The following MINDY2 variants were observed in gnomAD, a reference collection of about 807,000 sequenced individuals.
The protein encoded by MINDY2 is MINDY lysine 48 deubiquitinase 2.
Under a neutral mutation model 68.2 loss-of-function variants are expected in MINDY2, and 52 were observed. The observed-to-expected ratio is 0.76, with a 90% CI of 0.61 to 0.96. MINDY2 has a LOEUF of 0.96. MINDY2 is among the 40% of genes least tolerant of loss of function. The pLI, the probability that MINDY2 is intolerant of heterozygous loss-of-function variation, is 0.00. For synonymous variants in MINDY2, 372 were observed against 303.0 expected, an observed-to-expected ratio of 1.23 and a Z score of -2.36; for missense variants, 881 against 773.4, an observed-to-expected ratio of 1.14 and a Z score of -1.65.
At chr15:58,795,665 A>C (rs1465788504) in intron 2 of MINDY2, among the ~76,000 whole-genome samples, 2 of 152,094 alleles carry the variant, frequency 1.3e-5, no homozygotes, top group Admixed American at 1.3e-4. Flanking sequence ...CGGCCTCCCA[A>C]AGTGCCGGGA....
chr15:58,853,349 A>C (rs2032925620), intron 8 of MINDY2, among the ~76,000 whole-genome samples: 1 of 152,108 alleles, frequency 6.6e-6, no homozygotes, highest in African/African-American at 2.4e-5. Flanking sequence ...TAAATATAGA[A>C]GTCCCCATTA....
chr15:58,772,141 A>T lies in MINDY2; in HGVS notation c.746A>T (p.Gln249Leu), dbSNP rs921595292. The T allele has an allele frequency of 6.2e-7, 1 of 1,614,152 alleles. No individual in the cohort carries two copies. The highest frequency in any genetic ancestry group is 8.5e-7 in the Non-Finnish European group (1 of 1,180,028). ...TCTGTGTATCACATCAAGTGGATCC[A>T]GTGGAAGGAAGAGAACACACCCATC... ...GQSVYHIKWI[Q>L]WKEENTPIIT... The change falls in exon 1 of 9, where the codon CAG becomes CTG. Residue 249 changes from glutamine (Q) to leucine (L), a missense_variant. Coordinates refer to ENST00000559228, the MANE Select transcript of MINDY2 (RefSeq NM_001040450.3).
In MINDY2 at chr15:58,838,437, T is replaced by G. The variant is rs148143843; in HGVS notation, c.1368+6521T>G. Reference sequence around the variant, plus strand: ...AGATATACTTTCAGCAAACAAAATTTAACATCTAGATAGAATACTTTTCCA... The same window carrying G: ...AGATATACTTTCAGCAAACAAAATTGAACATCTAGATAGAATACTTTTCCA... On this transcript the variant is annotated intron_variant, in intron 6 of 8. Coordinates refer to ENST00000559228, the MANE Select transcript of MINDY2 (RefSeq NM_001040450.3). Among the ~76,000 whole-genome samples the G allele has an allele frequency of 9.4e-3, 1,434 of 151,960 alleles. 36 individuals are homozygous for G. Among genetic ancestry groups the G allele is most frequent in the African/African-American group, 0.032 (1,345 of 41,468 alleles).
At chr15:58,824,648 T>G (rs2031273237) in intron 5 of MINDY2, among the ~76,000 whole-genome samples, 1 of 151,742 alleles carries the variant, frequency 6.6e-6, no homozygotes, top group African/African-American at 2.4e-5. Flanking sequence ...TTTGCAGCAA[T>G]TAGCTTTTCT....
intron 4 of MINDY2, chr15:58,815,491 AG>A: frequency 6.6e-6 from 1 of 152,216 alleles, no homozygotes; most frequent in East Asian, 1.9e-4. Flanking sequence ...TTGGGACTAC[AG>A]GTGCACACCA....
In MINDY2 at chr15:58,771,377, T is replaced by TA. The variant is rs1308712655; in HGVS notation, c.-19_-18insA. On this transcript the variant is annotated 5_prime_UTR_variant, in exon 1 of 9. Coordinates refer to ENST00000559228, the MANE Select transcript of MINDY2 (RefSeq NM_001040450.3). ...GAAGTGGCCGCGGTCTCCATAGAGCTGGGGGCGGGCGGCCCGGTATGGAGA... is the reference window on the plus strand; with the variant it reads ...GAAGTGGCCGCGGTCTCCATAGAGCTAGGGGGCGGGCGGCCCGGTATGGAGA... 6.3e-7 allele frequency: 1 copy of TA among 1,594,708 alleles called. No homozygotes were observed. Among genetic ancestry groups the TA allele is most frequent in the African/African-American group, 1.3e-5 (1 of 74,546 alleles).
At chr15:58,833,098 C>G (rs2031820980) in intron 6 of MINDY2, among the ~76,000 whole-genome samples, 1 of 152,112 alleles carries the variant, frequency 6.6e-6, no homozygotes, top group Non-Finnish European at 1.5e-5. Flanking sequence ...TTACAGCTGT[C>G]ACTTAGTTCA....
chr15:58,819,082 G>A (rs925924740), intron 4 of MINDY2, among the ~76,000 whole-genome samples: 2 of 152,114 alleles, frequency 1.3e-5, no homozygotes, highest in Non-Finnish European at 2.9e-5. Flanking sequence ...GGACTCAAGC[G>A]ATCCTTTCCT....
chr15:58,813,578 C>T (rs1265424831), intron 4 of MINDY2, among the ~76,000 whole-genome samples: 2 of 152,048 alleles, frequency 1.3e-5, no homozygotes, highest in African/African-American at 2.4e-5. Flanking sequence ...TGGGTTATAT[C>T]ATAGTTGCTT....
chr15:58,847,219 G>A, intron 6 of MINDY2, 78 bp from the exon 7 acceptor site: 1 of 1,171,508 alleles, frequency 8.5e-7, no homozygotes, highest in Non-Finnish European at 1.2e-6. Context: ...GATACAGATT[G>A]TAAAACTTTC....
intron 1 of MINDY2, among the ~76,000 whole-genome samples, 176 bp downstream of exon 1, chr15:58,772,411 G>T (rs1900493348): frequency 6.6e-6 from 1 of 152,012 alleles, no homozygotes; most frequent in African/African-American, 2.4e-5. Context: ...TACATATATC[G>T]AAAAGAATTG....
At chr15:58,830,022 G>A (rs904106010) in intron 5 of MINDY2, among the ~76,000 whole-genome samples, 1 of 151,998 alleles carries the variant, frequency 6.6e-6, no homozygotes. Context: ...AACTTTTTAG[G>A]GCATTCCCTT....
At chr15:58,781,231 T>C (rs1288691294) in intron 1 of MINDY2, among the ~76,000 whole-genome samples, 4 of 152,100 alleles carry the variant, frequency 2.6e-5, no homozygotes, top group African/African-American at 9.7e-5. Flanking sequence ...TTTGTATTTT[T>C]AGTAGAGACA....
At chr15:58,821,689 A>T in intron 4 of MINDY2, 28 bp from the exon 5 acceptor site, 1 of 1,397,572 alleles carries the variant, frequency 7.2e-7, no homozygotes, top group Non-Finnish European at 9.7e-7. Flanking sequence ...TCTTACCATG[A>T]TTAGTGAGAC....
chr15:58,841,412 T>TC, intron 6 of MINDY2, among the ~76,000 whole-genome samples: 1 of 151,534 alleles, frequency 6.6e-6, no homozygotes, highest in East Asian at 1.9e-4. Context: ...CTTTTCTTTT[T>TC]TTTTTTTTTT....
At chr15:58,791,756 A>G (rs1244051649) in intron 2 of MINDY2, among the ~76,000 whole-genome samples, 5 of 152,028 alleles carry the variant, frequency 3.3e-5, no homozygotes, top group African/African-American at 9.6e-5. Context: ...TGGCTACTGT[A>G]TTAGACAGTA....
intron 2 of MINDY2, among the ~76,000 whole-genome samples, chr15:58,788,604 A>G (rs187655834): frequency 1.4e-3 from 207 of 152,362 alleles, no homozygotes; most frequent in Non-Finnish European, 2.6e-3. Flanking sequence ...GAGAGCAAGC[A>G]GTTGTACATC....
rs1342082184 is a variant in MINDY2 at position 58,859,032 on chromosome 15, C to G, written c.*4422C>G. On this transcript the variant is annotated 3_prime_UTR_variant, in exon 9 of 9. Transcript: ENST00000559228. ...TAATTTATCACAAATATTACACATC[C>G]TATGTTCTTGAATGTGCACACTTTT... is the stretch of plus-strand genomic sequence containing the variant. 6.6e-6 allele frequency: 1 copy of G among 152,002 alleles called. No homozygotes were observed. The highest frequency in any genetic ancestry group is 1.9e-4 in the East Asian group (1 of 5,194). 9.4% of individuals were successfully genotyped at this position (152,002 alleles called of 1,614,324 possible).
At chr15:58,800,417 CTTT>C (rs144228032) in intron 2 of MINDY2, among the ~76,000 whole-genome samples, 4,644 of 152,188 alleles carry the variant, frequency 0.031, 97 homozygotes, top group Non-Finnish European at 0.05. Flanking sequence ...TCCCTGTGAT[CTTT>C]TATAGTCAGC....
Sources: allele counts gnomAD v4.1 joint callset (sites outside exome capture counted in the v4.1 genomes callset), GRCh38; gene constraint gnomAD v4.1.1; transcripts MANE v1.5; gene names NCBI Gene and HGNC (gene_info 2026-07-23, HGNC 2026-07-21).